The following ITGB6 variants were observed in gnomAD, a reference collection of about 807,000 sequenced individuals.
ITGB6 encodes integrin beta-6.
Under a neutral mutation model 84.5 loss-of-function variants are expected in ITGB6, and 80 were observed. The observed-to-expected ratio is 0.95, with a 90% CI of 0.79 to 1.14. The LOEUF is 1.14. Among genes scored for constraint, ITGB6 ranks in the 50% most tolerant of loss-of-function variants. The pLI, the probability that ITGB6 is intolerant of heterozygous loss-of-function variation, is 0.00. For missense variants in ITGB6, 1,006 were observed against 968.0 expected (o/e 1.04, Z -0.52); for synonymous variants, 383 against 354.9 (o/e 1.08, Z -0.89).
chr2:160,169,431 A>G (rs1480715953), intron 6 of ITGB6, 124 bp from the exon 7 acceptor site: 1 of 575,552 alleles, frequency 1.7e-6, no homozygotes, highest in East Asian at 2.9e-5. Flanking sequence ...TTATAGCTCT[A>G]TCACTCTAAG....
chr2:160,121,534 C>A (rs1683039051), intron 12 of ITGB6, among the ~76,000 whole-genome samples: 1 of 152,084 alleles, frequency 6.6e-6, no homozygotes, highest in Non-Finnish European at 1.5e-5. Context: ...CCTGTAATCC[C>A]AGCAATTTGG....
At chr2:160,189,918 G>A (rs891478375) in intron 4 of ITGB6, among the ~76,000 whole-genome samples, 34 of 151,944 alleles carry the variant, frequency 2.2e-4, no homozygotes, top group African/African-American at 7.5e-4. Flanking sequence ...TGTTTATTGC[G>A]GCACTATTCA....
intron 2 of ITGB6, 21 bp from the exon 3 acceptor site, chr2:160,196,441 C>T: frequency 6.4e-7 from 1 of 1,568,302 alleles, no homozygotes; most frequent in South Asian, 1.2e-5. Flanking sequence ...AAAAGAAAAA[C>T]AATAACCAGA....
At chr2:160,169,873 A>G (rs1685139609) in intron 6 of ITGB6, among the ~76,000 whole-genome samples, 1 of 152,234 alleles carries the variant, frequency 6.6e-6, no homozygotes, top group African/African-American at 2.4e-5. Context: ...GGAATCGTGC[A>G]ATATTTTTAC....
At chr2:160,123,211 G>A (rs1034387905) in intron 12 of ITGB6, among the ~76,000 whole-genome samples, 22 of 152,182 alleles carry the variant, frequency 1.4e-4, no homozygotes, top group African/African-American at 5.1e-4. Context: ...TTGCTTAGCC[G>A]TTAAAGAGAA....
chr2:160,196,563 A>G, intron 2 of ITGB6, 143 bp from the exon 3 acceptor site: 1 of 664,456 alleles, frequency 1.5e-6, no homozygotes, highest in Non-Finnish European at 2.5e-6. Flanking sequence ...ACTAACATTG[A>G]TTATAGGTCT....
intron 7 of ITGB6, among the ~76,000 whole-genome samples, chr2:160,155,445 A>G (rs575392764): frequency 1.3e-5 from 2 of 152,220 alleles, no homozygotes; most frequent in Admixed American, 6.5e-5. Context: ...CCTAATGTAA[A>G]CTCTGGACTT....
rs1335063607 is a variant in ITGB6 at position 160,099,782 on chromosome 2, CT to C, written c.*1953del. The C allele has an allele frequency of 6.6e-6, 1 of 152,200 alleles. No homozygotes were observed. Among genetic ancestry groups the C allele is most frequent in the African/African-American group, 2.4e-5 (1 of 41,450 alleles). 9.4% of individuals were successfully genotyped at this position (152,200 alleles called of 1,614,324 possible). A position where few individuals can be genotyped will look rare whatever the true frequency, so the allele number is the denominator to read the frequency against. ...AACTCTTCAGTGAACAGAAGTACTA[CT>C]GTTAATGTTTTGGCCTTTCCAAGGT... On this transcript the variant is annotated 3_prime_UTR_variant, in exon 15 of 15. Coordinates refer to ENST00000283249, the MANE Select transcript of ITGB6 (RefSeq NM_000888.5).
intron 7 of ITGB6, among the ~76,000 whole-genome samples, chr2:160,160,358 T>A (rs1347984827): frequency 6.6e-6 from 1 of 152,212 alleles, no homozygotes; most frequent in South Asian, 2.1e-4. Context: ...ACATTCGAAT[T>A]TAACTGGATC....
chr2:160,144,782 T>C (rs1275097080), intron 7 of ITGB6, among the ~76,000 whole-genome samples: 1 of 152,198 alleles, frequency 6.6e-6, no homozygotes, highest in Non-Finnish European at 1.5e-5. Flanking sequence ...TAATCCTGCA[T>C]GTGGTATGAC....
At chr2:160,121,359 C>A (rs185036229) in intron 12 of ITGB6, among the ~76,000 whole-genome samples, 1 of 152,164 alleles carries the variant, frequency 6.6e-6, no homozygotes, top group Non-Finnish European at 1.5e-5. Flanking sequence ...AAACAAGAAA[C>A]CTAGTTTCCT....
rs746655063 is a variant in ITGB6, at chr2:160,137,533, G to T, written c.1561C>A (p.Gln521Lys). 6.2e-7 allele frequency: 1 copy of T among 1,614,208 alleles called. No individual in the cohort carries two copies. Among genetic ancestry groups the T allele is most frequent in the East Asian group, 2.2e-5 (1 of 44,892 alleles). ...TAGGGAGACAAGTGGCAGATACACT[G>T]CCCACAGTAGCAGTCACCCCTTCCG... ...CSGRGDCYCGQCICHLSPYGN... is the reference protein window; with the variant it reads ...CSGRGDCYCGKCICHLSPYGN... Residue 521 changes from glutamine to lysine, a missense_variant, in exon 10 of 15, where the codon CAG (glutamine) becomes AAG (lysine). Physicochemically the swap from Gln to Lys is moderately conservative, Grantham distance 53. Coordinates refer to ENST00000283249, the MANE Select transcript of ITGB6 (RefSeq NM_000888.5).
At chr2:160,144,630 C>T (rs963232042) in intron 7 of ITGB6, among the ~76,000 whole-genome samples, 4 of 152,192 alleles carry the variant, frequency 2.6e-5, no homozygotes, top group African/African-American at 9.7e-5. Context: ...TATGAAACTG[C>T]TATCCTTGAA....
intron 1 of ITGB6, among the ~76,000 whole-genome samples, 157 bp downstream of exon 1, chr2:160,199,846 C>A (rs967606141): frequency 6.6e-6 from 1 of 152,126 alleles, no homozygotes; most frequent in African/African-American, 2.4e-5. Flanking sequence ...TGGGAACTGC[C>A]CGGTGTTTGT....
At chr2:160,126,021 A>C (rs1683225664) in intron 11 of ITGB6, among the ~76,000 whole-genome samples, 1 of 152,138 alleles carries the variant, frequency 6.6e-6, no homozygotes, top group Non-Finnish European at 1.5e-5. Flanking sequence ...AAAGCTACTG[A>C]CTGCATGTGG....
At chr2:160,158,187 C>A (rs2105848524) in intron 7 of ITGB6, among the ~76,000 whole-genome samples, 1 of 152,288 alleles carries the variant, frequency 6.6e-6, no homozygotes, top group Non-Finnish European at 1.5e-5. Flanking sequence ...TGGGAGTGTG[C>A]TAATTAGATC....
intron 4 of ITGB6, among the ~76,000 whole-genome samples, chr2:160,179,668 A>G (rs1379399511): frequency 6.6e-6 from 1 of 151,366 alleles, no homozygotes; most frequent in African/African-American, 2.4e-5. Flanking sequence ...CTGGGATTAC[A>G]GGTGTGAGCT....
At chr2:160,134,237 C>T (rs1199693716) in intron 10 of ITGB6, among the ~76,000 whole-genome samples, 7 of 152,114 alleles carry the variant, frequency 4.6e-5, no homozygotes, top group Non-Finnish European at 8.8e-5. Flanking sequence ...CCACTGATCC[C>T]ACAGAAATAA....
At chr2:160,169,554 GC>G (rs1480079720) in intron 6 of ITGB6, among the ~76,000 whole-genome samples, 3 of 152,164 alleles carry the variant, frequency 2.0e-5, no homozygotes, top group Non-Finnish European at 4.4e-5. Context: ...GGTGTATCAT[GC>G]TCTGCCACTT....
Sources: gnomAD v4.1 joint callset for allele counts (sites outside exome capture counted in the v4.1 genomes callset) on GRCh38, gnomAD v4.1.1 for gene constraint, MANE v1.5 for transcripts, NCBI Gene and HGNC (gene_info 2026-07-23, HGNC 2026-07-21) for gene names.